Variants in PTPRS observed in about 807,000 individuals in gnomAD.
PTPRS encodes the protein protein tyrosine phosphatase receptor type S.
Under a neutral mutation model 215.3 loss-of-function variants are expected in PTPRS, and 63 were observed. The observed-to-expected ratio is 0.29, with a 90% CI of 0.24 to 0.36. PTPRS has a LOEUF of 0.36. PTPRS is among the 10% of genes least tolerant of loss of function. The probability of loss-of-function intolerance (pLI) is 1.00; values close to 1 mark genes in which losing one functional copy is unlikely to be tolerated. For missense variants in PTPRS, 2,258 were observed against 2,825.8 expected, an observed-to-expected ratio of 0.80 and a Z score of 4.56; for synonymous variants, 1,404 against 1,191.4, an observed-to-expected ratio of 1.18 and a Z score of -3.68.
chr19:5,274,791 C>T lies in PTPRS; in HGVS notation c.92-447G>A, dbSNP rs1469600696. On this transcript the variant is annotated intron_variant, in intron 2 of 37. Coordinates refer to ENST00000262963, the MANE Select transcript of PTPRS (RefSeq NM_002850.4). ...CCCTGGAGGGCCCTGAAAGCACTTG[C>T]CAGAATAACTTGGTCTAATTTCCTG... Among the ~76,000 whole-genome samples, 3 of 152,158 alleles carry T rather than the reference C, an allele frequency of 2.0e-5. No individual in the cohort carries two copies. The East Asian group carries it at 5.8e-4, about 29-fold the overall frequency.
chr19:5,331,597 G>A (rs1052107011), intron 1 of PTPRS, among the ~76,000 whole-genome samples: 1 of 152,226 alleles, frequency 6.6e-6, no homozygotes, highest in African/African-American at 2.4e-5. Context: ...GTCCCCAGAC[G>A]TTGCCAAGTG....
intron 1 of PTPRS, among the ~76,000 whole-genome samples, chr19:5,337,069 A>C (rs971404348): frequency 2.6e-5 from 4 of 152,190 alleles, no homozygotes; most frequent in African/African-American, 9.6e-5. Context: ...TACAGCGGTC[A>C]GCACTGCGCC....
rs560696853 is a variant in PTPRS, at chr19:5,216,659, C to T, written c.4096+61G>A. The T allele has an allele frequency of 1.8e-5, 24 of 1,355,144 alleles. No individual in the cohort carries two copies. In the African/African-American group the frequency reaches 2.8e-4, roughly 16 times the overall value. 83.9% of individuals were successfully genotyped at this position (1,355,144 alleles called of 1,614,324 possible). On this transcript the variant is annotated intron_variant, in intron 26 of 37. Coordinates refer to ENST00000262963, the MANE Select transcript of PTPRS (RefSeq NM_002850.4). ...GAGACAGGAGACACGATGGAGAAAC[C>T]AAAGAGGAAATGAACGGGGGCGGGG...
At chr19:5,311,305 G>A (rs540571737) in intron 1 of PTPRS, among the ~76,000 whole-genome samples, 4 of 152,098 alleles carry the variant, frequency 2.6e-5, no homozygotes, top group African/African-American at 4.8e-5. Flanking sequence ...CACTGCGCCC[G>A]GCCCCTATTT....
chr19:5,229,484 C>A lies in PTPRS; in HGVS notation c.2349+7G>T. On this transcript the variant is annotated splice_region_variant and intron_variant, in intron 15 of 37. Transcript: ENST00000262963. The stretch of plus-strand genomic sequence containing the variant: ...CGTCCCCGGCCCCGCCCCGGCCCCC[C>A]GCCCACCTGGGCATCGGCCAGCATG... 1.4e-6 allele frequency: 2 copies of A among 1,419,606 alleles called. No homozygotes were observed. 87.9% of individuals were successfully genotyped at this position (1,419,606 alleles called of 1,614,324 possible).
At chr19:5,276,117 G>C (rs2047337786) in intron 2 of PTPRS, among the ~76,000 whole-genome samples, 1 of 152,208 alleles carries the variant, frequency 6.6e-6, no homozygotes, top group South Asian at 2.1e-4. Context: ...AGCTGAACGT[G>C]CTCCTTTGAA....
intron 1 of PTPRS, among the ~76,000 whole-genome samples, chr19:5,286,674 A>C (rs978179228): frequency 3.9e-5 from 6 of 152,130 alleles, no homozygotes; most frequent in African/African-American, 1.4e-4. Context: ...TGGACTTCCC[A>C]GCCTCTAGAA....
intron 30 of PTPRS, among the ~76,000 whole-genome samples, chr19:5,213,642 ATGCT>A (rs2041140594): frequency 1.8e-5 from 1 of 54,146 alleles, no homozygotes; most frequent in Non-Finnish European, 5.2e-5. Flanking sequence ...GATATAACAT[ATGCT>A]TAATGTATAA....
At chr19:5,259,060 C>T (rs571887892) in intron 7 of PTPRS, among the ~76,000 whole-genome samples, 1 of 152,300 alleles carries the variant, frequency 6.6e-6, no homozygotes, top group African/African-American at 2.4e-5. Flanking sequence ...TGTTTGAAAT[C>T]AGGGGTCTGA....
At chr19:5,223,863 G>A (rs563054765) in intron 17 of PTPRS, among the ~76,000 whole-genome samples, 86 of 151,752 alleles carry the variant, frequency 5.7e-4, no homozygotes, top group African/African-American at 2.0e-3. Context: ...TGCCCAGCCT[G>A]GGGTTGTGAT....
chr19:5,243,749 G>A, intron 11 of PTPRS, 152 bp downstream of exon 11: 1 of 770,788 alleles, frequency 1.3e-6, no homozygotes. Context: ...TGAGATTACA[G>A]GCGTAAACCA....
chr19:5,291,438 C>T (rs1038453153), intron 1 of PTPRS, among the ~76,000 whole-genome samples: 5 of 152,096 alleles, frequency 3.3e-5, no homozygotes, highest in Non-Finnish European at 7.4e-5. Context: ...CAAAATTGCC[C>T]GTCAGTGTGT....
intron 9 of PTPRS, among the ~76,000 whole-genome samples, chr19:5,247,197 A>ATAG (rs992941421): frequency 1.4e-5 from 2 of 142,408 alleles, no homozygotes; most frequent in Admixed American, 1.4e-4. Flanking sequence ...TAGTATATTA[A>ATAG]TAATAATAAT....
chr19:5,300,879 A>C (rs926297214), intron 1 of PTPRS, among the ~76,000 whole-genome samples: 16 of 152,202 alleles, frequency 1.1e-4, no homozygotes, highest in African/African-American at 3.9e-4. Context: ...TCAATGGCTC[A>C]GAGGCCTTGC....
rs62115101 is a variant in PTPRS, at chr19:5,277,254, G to A, written c.92-2910C>T. 3.1e-3 allele frequency among the ~76,000 whole-genome samples: 471 copies of A among 151,806 alleles called. 1 individual carries two copies. Among genetic ancestry groups the A allele is most frequent in the Admixed American group, 7.7e-3 (117 of 15,216 alleles). On this transcript the variant is annotated intron_variant, in intron 2 of 37. Transcript: ENST00000262963. Reference sequence around the variant, plus strand: ...TTTTTATTTTTTTTCCCCGAGGGCTGCAACATACTTACAAGAGCCCTTAGG... The same window carrying A: ...TTTTTATTTTTTTTCCCCGAGGGCTACAACATACTTACAAGAGCCCTTAGG...
At chr19:5,239,153 A>AG (rs1568451327) in intron 12 of PTPRS, 90 bp from the exon 13 acceptor site, 1 of 665,852 alleles carries the variant, frequency 1.5e-6, no homozygotes, top group African/African-American at 2.8e-5. Context: ...ACAGAAACAG[A>AG]GGGGGGAGGG....
Position 5,236,848 on chromosome 19 carries a change from GGAAA to G in PTPRS, c.1849+2067_1849+2070del, listed in dbSNP as rs1221588190. Among the ~76,000 whole-genome samples, 227 of 126,170 alleles carry G rather than the reference GGAAA, an allele frequency of 1.8e-3. 1 individual carries two copies. The highest frequency in any genetic ancestry group is 8.0e-3 in the African/African-American group (200 of 25,144). 82.8% of individuals were successfully genotyped at this position (126,170 alleles called of 152,430 possible). ...GCGGGGAATCAGGCAGGGAGCAGGGGGAAAAAAAAAAAAAAAACAACAATCAAGG... is the reference window on the plus strand; with the variant it reads ...GCGGGGAATCAGGCAGGGAGCAGGGGAAAAAAAAAAAAACAACAATCAAGG... On this transcript the variant is annotated intron_variant, in intron 13 of 37. Transcript: ENST00000262963.
intron 2 of PTPRS, among the ~76,000 whole-genome samples, chr19:5,283,624 G>A (rs927675783): frequency 1.3e-5 from 2 of 152,080 alleles, no homozygotes; most frequent in Non-Finnish European, 2.9e-5. Flanking sequence ...CAGTACTGAA[G>A]GCCAGACATC....
chr19:5,222,189 G>C lies in PTPRS; in HGVS notation c.3135C>G (p.Ile1045Met). The part of the protein sequence containing the change: ...VSPKNFKVKM[I>M]MKTSVLLSWE... ...AGCTGAGCAGAACTGATGTCTTCAT[G>C]ATCATTTTCACCTTGAAGTTCTTGG... The change falls in exon 19 of 38, where the codon ATC becomes ATG. Residue 1045 changes from isoleucine to methionine, a missense_variant. This residue lies in a region of PTPRS where 361 missense variants were observed against 332.6 expected (regional missense o/e 1.09). Transcript: ENST00000262963. The C allele has an allele frequency of 6.2e-7, 1 of 1,614,020 alleles. No individual in the cohort carries two copies. The highest frequency in any genetic ancestry group is 8.5e-7 in the Non-Finnish European group (1 of 1,179,990).
Sources: gnomAD v4.1 joint callset for allele counts (sites outside exome capture counted in the v4.1 genomes callset) on GRCh38, gnomAD v4.1.1 for gene constraint, gnomAD v4.1.1 regional missense constraint, MANE v1.5 for transcripts, NCBI Gene and HGNC (gene_info 2026-07-23, HGNC 2026-07-21) for gene names.